The following TACC1 variants were observed in gnomAD, a reference collection of about 807,000 sequenced individuals.
The protein encoded by TACC1 is transforming acidic coiled-coil containing protein 1.
TACC1 carries 48 observed loss-of-function variants against 84.4 expected under a neutral mutation model. The ratio of observed to expected loss-of-function variants is 0.57; its 90% CI spans 0.45 to 0.72. TACC1 has a LOEUF of 0.72. TACC1 is among the 30% of genes least tolerant of loss of function. The pLI is 0.00. For synonymous variants in TACC1, 372 were observed against 376.3 expected (o/e 0.99, Z 0.13); for missense variants, 920 against 973.0 (o/e 0.95, Z 0.72).
chr8:38,737,410 C>G (rs1208003148), intron 1 of TACC1, among the ~76,000 whole-genome samples: 1 of 152,214 alleles, frequency 6.6e-6, no homozygotes, highest in Non-Finnish European at 1.5e-5. Context: ...TGCCAGTTCT[C>G]GATGAGATCA....
chr8:38,810,002 A>T (rs1037853779), intron 2 of TACC1, among the ~76,000 whole-genome samples: 1 of 152,242 alleles, frequency 6.6e-6, no homozygotes, highest in Non-Finnish European at 1.5e-5. Context: ...TTAAAAAACT[A>T]GGATCCGCTT....
Position 38,820,257 on chromosome 8 carries a change from C to G in TACC1, c.1013C>G (p.Pro338Arg). Residue 338 changes from proline to arginine, a missense_variant, in exon 3 of 13, where the codon CCA becomes CGA. Physicochemically the swap from Pro to Arg is moderately radical, Grantham distance 103 (BLOSUM62 -2). Coordinates refer to ENST00000317827, the MANE Select transcript of TACC1 (RefSeq NM_006283.3). ...AACATAGAGGCCAGGAAAGCCCTTC[C>G]AAGGAAGCTTGGCAGGAAACTGGGT... ...TGNIEARKAL[P>R]RKLGRKLGST... 1 of 1,614,080 alleles carries G rather than the reference C, an allele frequency of 6.2e-7. No individual in the cohort carries two copies. The highest frequency in any genetic ancestry group is 8.5e-7 in the Non-Finnish European group (1 of 1,179,990).
intron 1 of TACC1, among the ~76,000 whole-genome samples, chr8:38,740,208 A>G (rs1458104978): frequency 6.6e-6 from 1 of 152,180 alleles, no homozygotes; most frequent in Non-Finnish European, 1.5e-5. Flanking sequence ...TTCCTCCATC[A>G]CGTGGGATTT....
rs1232606522 is a variant in TACC1, at chr8:38,850,963, G to T, written c.*2940G>T. 1 of 152,482 alleles carries T rather than the reference G, an allele frequency of 6.6e-6. No individual in the cohort carries two copies. Among genetic ancestry groups the T allele is most frequent in the Non-Finnish European group, 1.5e-5 (1 of 68,032 alleles). The allele number at this position is 152,482 out of a possible 1,614,324, so 9.4% of individuals were successfully genotyped here. On this transcript the variant is annotated 3_prime_UTR_variant, in exon 13 of 13. Transcript: ENST00000317827. ...TCCAGCAGTATTTTAAGTGGGGAATGCAACGTGAGGCCAACTGAACAATTC... is the reference window on the plus strand; with the variant it reads ...TCCAGCAGTATTTTAAGTGGGGAATTCAACGTGAGGCCAACTGAACAATTC...
At position 38,848,045 on chromosome 8, in the gene TACC1, A is replaced by G. The variant is rs761095277; in HGVS notation, c.*22A>G. 8.1e-6 allele frequency: 13 copies of G among 1,606,924 alleles called. No individual in the cohort carries two copies. The Admixed American group carries it at 1.3e-4, about 17-fold the overall frequency. ...CTGAGACACTCCCCCTGTTAGCTCA[A>G]CAGATCTGCATTTGGCTGCTTCTCT... On this transcript the variant is annotated 3_prime_UTR_variant, in exon 13 of 13. Transcript: ENST00000317827.
chr8:38,852,500 T>G lies in TACC1; in HGVS notation c.*4477T>G, dbSNP rs1833227846. Reference sequence around the variant, plus strand: ...AAACAGTAATTTCCTGGTCACATCATTAACTGCTAATTCTGTATTTATAAA... The same window carrying G: ...AAACAGTAATTTCCTGGTCACATCAGTAACTGCTAATTCTGTATTTATAAA... On this transcript the variant is annotated 3_prime_UTR_variant, in exon 13 of 13. Coordinates refer to ENST00000317827, the MANE Select transcript of TACC1 (RefSeq NM_006283.3). 6.5e-6 allele frequency: 1 copy of G among 152,674 alleles called. No individual in the cohort carries two copies. The highest frequency in any genetic ancestry group is 2.1e-4 in the South Asian group (1 of 4,848). 9.5% of individuals were successfully genotyped at this position (152,674 alleles called of 1,614,324 possible).
intron 3 of TACC1, among the ~76,000 whole-genome samples, chr8:38,781,383 T>TC (rs990778721): frequency 6.9e-6 from 1 of 144,568 alleles, no homozygotes; most frequent in Non-Finnish European, 1.6e-5. Flanking sequence ...GAAATATTCT[T>TC]CTTTTTTTTT....
At chr8:38,791,137 A>G (rs923235461) in intron 2 of TACC1, among the ~76,000 whole-genome samples, 4 of 152,092 alleles carry the variant, frequency 2.6e-5, no homozygotes, top group African/African-American at 9.7e-5. Flanking sequence ...CAGCTGCTAG[A>G]CTGATTCATC....
At chr8:38,832,116 A>G (rs1421094313) in intron 6 of TACC1, among the ~76,000 whole-genome samples, 1 of 152,204 alleles carries the variant, frequency 6.6e-6, no homozygotes, top group Non-Finnish European at 1.5e-5. Flanking sequence ...CCATTTACTC[A>G]GTTCTTAAAC....
intron 3 of TACC1, among the ~76,000 whole-genome samples, chr8:38,769,061 G>A (rs1278140710): frequency 1.3e-5 from 2 of 149,908 alleles, no homozygotes; most frequent in Non-Finnish European, 3.0e-5. Context: ...GTGTGAGACT[G>A]TTGTGGGGAG....
At chr8:38,755,309 G>A (rs1433786924) in intron 3 of TACC1, among the ~76,000 whole-genome samples, 3 of 152,068 alleles carry the variant, frequency 2.0e-5, no homozygotes, top group East Asian at 1.9e-4. Flanking sequence ...ACAATTCTGT[G>A]TGCTTCACCA....
At chr8:38,763,858 T>C (rs1811700612) in intron 3 of TACC1, among the ~76,000 whole-genome samples, 1 of 152,244 alleles carries the variant, frequency 6.6e-6, no homozygotes, top group East Asian at 1.9e-4. Flanking sequence ...TTTTTGCTCA[T>C]ATAAACAACA....
At chr8:38,819,442 T>G (rs911992430) in intron 2 of TACC1, 80 bp from the exon 3 acceptor site, 90 of 1,442,472 alleles carry the variant, frequency 6.2e-5, no homozygotes, top group Non-Finnish European at 7.9e-5. Flanking sequence ...TTGCTATTTG[T>G]TTATATGAAT....
At chr8:38,788,882 A>G in intron 2 of TACC1, 63 bp downstream of exon 2, 8 of 1,336,916 alleles carry the variant, frequency 6.0e-6, no homozygotes, top group Non-Finnish European at 8.3e-6. Context: ...AATATCAATG[A>G]AGGAAGGAAA....
intron 5 of TACC1, among the ~76,000 whole-genome samples, chr8:38,829,571 G>A (rs1015303814): frequency 3.3e-5 from 5 of 152,060 alleles, no homozygotes; most frequent in Non-Finnish European, 4.4e-5. Flanking sequence ...AGTACCTAGC[G>A]CAGTGTGTTA....
At chr8:38,794,582 G>T (rs938390342) in intron 2 of TACC1, among the ~76,000 whole-genome samples, 1 of 151,960 alleles carries the variant, frequency 6.6e-6, no homozygotes, top group African/African-American at 2.4e-5. Context: ...GTGTGTGTGC[G>T]TGCTATAGAA....
chr8:38,831,447 T>G (rs1829219374), intron 6 of TACC1, among the ~76,000 whole-genome samples: 1 of 152,212 alleles, frequency 6.6e-6, no homozygotes, highest in Non-Finnish European at 1.5e-5. Flanking sequence ...GATGATAATA[T>G]TTTGGATGTC....
At chr8:38,820,757 CT>C in intron 3 of TACC1, 122 bp downstream of exon 3, 1 of 1,346,282 alleles carries the variant, frequency 7.4e-7, no homozygotes, top group Non-Finnish European at 1.0e-6. Flanking sequence ...TCATACAAAG[CT>C]TATAATGTTA....
chr8:38,764,079 C>A (rs369899297), intron 3 of TACC1, among the ~76,000 whole-genome samples: 4 of 152,162 alleles, frequency 2.6e-5, no homozygotes, highest in African/African-American at 9.6e-5. Context: ...GCTCAGCATC[C>A]TTTTCTTTTC....
Sources: gnomAD v4.1 joint callset for allele counts (sites outside exome capture counted in the v4.1 genomes callset) on GRCh38, gnomAD v4.1.1 for gene constraint, MANE v1.5 for transcripts, NCBI Gene and HGNC (gene_info 2026-07-23, HGNC 2026-07-21) for gene names.